Variants in HNRNPLL observed in about 807,000 individuals in gnomAD.
The protein encoded by HNRNPLL is heterogeneous nuclear ribonucleoprotein L-like.
In HNRNPLL, 25 loss-of-function variants were observed where a neutral mutation model predicts 67.1. That is an observed-to-expected ratio of 0.37 (90% CI 0.27 to 0.52). The LOEUF is 0.52. HNRNPLL is among the 20% of genes least tolerant of loss of function. The pLI is 0.90. For synonymous variants in HNRNPLL, 267 were observed against 241.7 expected, an observed-to-expected ratio of 1.10 and a Z score of -0.97; for missense variants, 542 against 673.9, an observed-to-expected ratio of 0.80 and a Z score of 2.17.
At chr2:38,599,307 A>G (rs1049062840) in intron 1 of HNRNPLL, among the ~76,000 whole-genome samples, 4 of 152,194 alleles carry the variant, frequency 2.6e-5, no homozygotes, top group Non-Finnish European at 5.9e-5. Flanking sequence ...AAACAGAAAA[A>G]CTTTAAAATC....
chr2:38,602,663 G>T lies in HNRNPLL; in HGVS notation c.-37C>A, dbSNP rs1046493723. 3 of 1,459,030 alleles carry T rather than the reference G, an allele frequency of 2.1e-6. No homozygotes were observed. The highest frequency in any genetic ancestry group is 2.7e-6 in the Non-Finnish European group (3 of 1,110,802). 90.4% of individuals were successfully genotyped at this position (1,459,030 alleles called of 1,614,324 possible). A position where few individuals can be genotyped will look rare whatever the true frequency, so the allele number is the denominator to read the frequency against. On this transcript the variant is annotated 5_prime_UTR_variant, in exon 1 of 13. Transcript: ENST00000449105. ...GAGGGACCGGCTGGCAGGCGGGTGG[G>T]GGTGGCGGTGGGGCGCGCGCCTCGG... is the stretch of plus-strand genomic sequence containing the variant.
In HNRNPLL at chr2:38,573,369, T is replaced by G. The variant is rs1666170702; in HGVS notation, c.933A>C (p.Thr311=). ...GTAATGGATAAGCAACAAGTTCAGG[T>G]GTATCTCGAGAGCCCATTCTGTAAC... ...PSRYRMGSRD[T]PELVAYPLPQ... The change falls in exon 8 of 13, where the codon ACA becomes ACC. Residue 311 remains threonine (T), a synonymous_variant. Transcript: ENST00000449105. The G allele has an allele frequency of 6.2e-7, 1 of 1,612,456 alleles. No individual in the cohort carries two copies. The highest frequency in any genetic ancestry group is 1.3e-5 in the African/African-American group (1 of 74,796).
At chr2:38,569,999 C>A (rs894191195) in intron 8 of HNRNPLL, 74 bp from the exon 9 acceptor site, 1 of 1,021,964 alleles carries the variant, frequency 9.8e-7, no homozygotes, top group East Asian at 2.5e-5. Flanking sequence ...AAACACAATA[C>A]GACCTAAGTG....
chr2:38,584,454 T>G (rs1020263415), intron 3 of HNRNPLL, among the ~76,000 whole-genome samples: 1 of 152,250 alleles, frequency 6.6e-6, no homozygotes, highest in Non-Finnish European at 1.5e-5. Flanking sequence ...TGGAAAGCAC[T>G]GTCACCTATT....
intron 6 of HNRNPLL, among the ~76,000 whole-genome samples, chr2:38,578,860 G>C (rs1267861100): frequency 1.3e-5 from 2 of 151,982 alleles, no homozygotes; most frequent in African/African-American, 4.8e-5. Context: ...AAATGCTCAA[G>C]AAGTTATTAT....
intron 1 of HNRNPLL, chr2:38,600,125 GAAA>G (rs1667365272): frequency 5.1e-6 from 1 of 195,832 alleles, no homozygotes; most frequent in Non-Finnish European, 1.1e-5. Context: ...AAAATTACAT[GAAA>G]AATATTTAAA....
chr2:38,575,484 G>A (rs1229463020), intron 7 of HNRNPLL, among the ~76,000 whole-genome samples: 4 of 151,710 alleles, frequency 2.6e-5, no homozygotes, highest in Non-Finnish European at 5.9e-5. Context: ...ATAAATCTAT[G>A]TATCAATTTC....
intron 10 of HNRNPLL, among the ~76,000 whole-genome samples, 197 bp downstream of exon 10, chr2:38,568,936 A>T: frequency 6.6e-6 from 1 of 152,328 alleles, no homozygotes; most frequent in African/African-American, 2.4e-5. Flanking sequence ...ATTGAGCCAC[A>T]AATCAACGAA....
In HNRNPLL at chr2:38,577,549, A is replaced by G. The variant is rs761130165; in HGVS notation, c.803-17T>C. ...TTCCTCTATCTGACACAAAAGTAGA[A>G]ACATGGTTTTAACAATTTTGACCCA... is the stretch of plus-strand genomic sequence containing the variant. On this transcript the variant is annotated splice_polypyrimidine_tract_variant and intron_variant, in intron 6 of 12. Coordinates refer to ENST00000449105, the MANE Select transcript of HNRNPLL (RefSeq NM_138394.4). The G allele has an allele frequency of 6.4e-7, 1 of 1,573,154 alleles. No homozygotes were observed. The highest frequency in any genetic ancestry group is 1.1e-5 in the South Asian group (1 of 90,234).
chr2:38,573,147 C>T (rs1666160348), intron 8 of HNRNPLL, 63 bp downstream of exon 8: 3 of 1,067,006 alleles, frequency 2.8e-6, no homozygotes, highest in South Asian at 1.5e-5. Context: ...CACATATTTG[C>T]AGCCTTTTCA....
At chr2:38,580,105 C>T (rs912682435) in intron 6 of HNRNPLL, among the ~76,000 whole-genome samples, 10 of 152,056 alleles carry the variant, frequency 6.6e-5, no homozygotes, top group Non-Finnish European at 1.5e-5. Flanking sequence ...CTTATCTACA[C>T]CTGTTTAAAG....
intron 2 of HNRNPLL, among the ~76,000 whole-genome samples, chr2:38,588,606 C>T (rs1666830559): frequency 1.3e-5 from 2 of 148,684 alleles, no homozygotes. Flanking sequence ...GAGGGTTACC[C>T]AGAAAAGTAG....
chr2:38,573,933 A>G (rs1175813210), intron 7 of HNRNPLL, among the ~76,000 whole-genome samples: 3 of 151,942 alleles, frequency 2.0e-5, no homozygotes, highest in Non-Finnish European at 4.4e-5. Context: ...TCAGGTTGGT[A>G]TCTTATTCCC....
intron 1 of HNRNPLL, among the ~76,000 whole-genome samples, chr2:38,600,632 C>G (rs1381715483): frequency 6.6e-6 from 1 of 151,792 alleles, no homozygotes; most frequent in African/African-American, 2.4e-5. Context: ...ACCCGGGAGG[C>G]TGAGGTAGGA....
At chr2:38,587,430 A>G (rs1420636682) in intron 2 of HNRNPLL, among the ~76,000 whole-genome samples, 1 of 152,202 alleles carries the variant, frequency 6.6e-6, no homozygotes, top group Non-Finnish European at 1.5e-5. Context: ...AGCCTAGCAT[A>G]TATTTGTTAA....
intron 6 of HNRNPLL, among the ~76,000 whole-genome samples, chr2:38,579,507 G>A (rs17022945): frequency 0.03 from 4,514 of 152,016 alleles, 235 homozygotes; most frequent in African/African-American, 0.1. Flanking sequence ...GAAGTGAGCA[G>A]AAAGTTGAAC....
chr2:38,567,276 T>G (rs1400489639), intron 12 of HNRNPLL, among the ~76,000 whole-genome samples: 5 of 151,974 alleles, frequency 3.3e-5, no homozygotes, highest in Non-Finnish European at 1.5e-5. Flanking sequence ...TTAATTTTTT[T>G]TTATTATTTT....
At chr2:38,577,817 A>T in intron 6 of HNRNPLL, 1 of 448,220 alleles carries the variant, frequency 2.2e-6, no homozygotes, top group Non-Finnish European at 4.4e-6. Context: ...ACTTTTCAGA[A>T]AGTGAATGTA....
intron 8 of HNRNPLL, among the ~76,000 whole-genome samples, chr2:38,570,217 T>C (rs1666018626): frequency 6.6e-6 from 1 of 152,222 alleles, no homozygotes; most frequent in South Asian, 2.1e-4. Flanking sequence ...CCATGGATTG[T>C]CGCTGAAAAT....
Sources: gnomAD v4.1 joint callset for allele counts (sites outside exome capture counted in the v4.1 genomes callset) on GRCh38, gnomAD v4.1.1 for gene constraint, MANE v1.5 for transcripts, NCBI Gene and HGNC (gene_info 2026-07-23, HGNC 2026-07-21) for gene names.